Variants in XRRA1 observed in about 807,000 individuals in gnomAD.
XRRA1 encodes X-ray radiation resistance-associated protein 1.
Under a neutral mutation model 80.2 loss-of-function variants are expected in XRRA1, and 69 were observed. That is an observed-to-expected ratio of 0.86 (90% CI 0.71 to 1.05). XRRA1 has a LOEUF of 1.05. Ranked by LOEUF, XRRA1 falls within the 50% of genes least tolerant of loss-of-function variation. The pLI, the probability that XRRA1 is intolerant of heterozygous loss-of-function variation, is 0.00. For synonymous variants in XRRA1, 348 were observed against 389.9 expected (o/e 0.89, Z 1.27); for missense variants, 967 against 976.4 (o/e 0.99, Z 0.13).
chr11:74,913,769 G>A (rs1813543310), intron 8 of XRRA1: 2 of 152,132 alleles, frequency 1.3e-5, no homozygotes, highest in Non-Finnish European at 1.5e-5. Context: ...ATACCTGTGT[G>A]TTACAGGATG....
At position 74,845,259 on chromosome 11, in the gene XRRA1, G is replaced by A; in HGVS notation, c.1741C>T (p.Pro581Ser). Residue 581 changes from proline (P) to serine (S), a missense_variant, in exon 16 of 19, where the codon CCT becomes TCT. Coordinates refer to ENST00000684022, the MANE Select transcript of XRRA1 (RefSeq NM_001378157.1). Reference protein sequence around the residue: ...SIFLTQVSELPSSVIHKDDLE... With the variant: ...SIFLTQVSELSSSVIHKDDLE... ...TCATCCTTATGGATGACGGAGGAAGGCAGTTCACTCACCTGTGCCCAGGAA... is the reference window on the plus strand; with the variant it reads ...TCATCCTTATGGATGACGGAGGAAGACAGTTCACTCACCTGTGCCCAGGAA... The A allele has an allele frequency of 6.2e-7, 1 of 1,612,894 alleles. No homozygotes were observed. The highest frequency in any genetic ancestry group is 8.5e-7 in the Non-Finnish European group (1 of 1,179,280).
At chr11:74,906,215 T>C in intron 10 of XRRA1, 24 bp downstream of exon 10, 1 of 1,601,728 alleles carries the variant, frequency 6.2e-7, no homozygotes, top group East Asian at 2.2e-5. Flanking sequence ...GGGTAGAATT[T>C]CTGGGACAAG....
At chr11:74,925,887 A>T (rs950998026) in intron 7 of XRRA1, among the ~76,000 whole-genome samples, 3 of 152,192 alleles carry the variant, frequency 2.0e-5, no homozygotes, top group African/African-American at 7.2e-5. Flanking sequence ...TGAAAAAGTA[A>T]AAGAACAAAT....
At chr11:74,846,039 A>G (rs2038038671) in intron 15 of XRRA1, 1 of 152,172 alleles carries the variant, frequency 6.6e-6, no homozygotes, top group Non-Finnish European at 1.5e-5. Flanking sequence ...GTTTGGCATC[A>G]ATATGGTGAC....
chr11:74,916,888 C>T (rs1354292744), intron 8 of XRRA1, among the ~76,000 whole-genome samples: 1 of 152,142 alleles, frequency 6.6e-6, no homozygotes, highest in Non-Finnish European at 1.5e-5. Flanking sequence ...AAGTTCTTCT[C>T]AGGTCTTTTC....
Position 74,921,314 on chromosome 11 carries a change from C to A in XRRA1, c.556G>T (p.Glu186Ter), listed in dbSNP as rs770058366. Residue 186 changes from glutamate to a stop codon, truncating the protein, a stop_gained, in exon 8 of 19, where the codon GAG becomes TAG. Transcript: ENST00000684022. LOFTEE classifies it high-confidence loss of function. ...AGAATCCCCAAATCACAGATGGCCT[C>A]CACAGTCAGGCTGTTGAAGGAAAGG... ...LDLSFNSLTV[E>*]AICDLGILPH... 1 of 1,613,956 alleles carries A rather than the reference C, an allele frequency of 6.2e-7. No homozygotes were observed. Among genetic ancestry groups the A allele is most frequent in the Non-Finnish European group, 8.5e-7 (1 of 1,179,872 alleles).
At chr11:74,901,309 A>G (rs2053537956) in intron 10 of XRRA1, among the ~76,000 whole-genome samples, 1 of 152,230 alleles carries the variant, frequency 6.6e-6, no homozygotes, top group Admixed American at 6.5e-5. Flanking sequence ...AAAAATGGAA[A>G]GATATCCCAT....
intron 10 of XRRA1, among the ~76,000 whole-genome samples, chr11:74,883,853 TAA>T (rs1458875443): frequency 1.3e-5 from 2 of 152,182 alleles, no homozygotes; most frequent in African/African-American, 2.4e-5. Context: ...ATAGTGAGGG[TAA>T]AAGAGTCCTC....
At chr11:74,870,341 C>T (rs1480155213) in intron 10 of XRRA1, among the ~76,000 whole-genome samples, 2 of 152,152 alleles carry the variant, frequency 1.3e-5, no homozygotes, top group Admixed American at 6.5e-5. Flanking sequence ...AGGTGTTACC[C>T]GAAGGCTTCT....
At chr11:74,847,318 G>A (rs1167907988) in intron 15 of XRRA1, among the ~76,000 whole-genome samples, 1 of 152,162 alleles carries the variant, frequency 6.6e-6, no homozygotes, top group Non-Finnish European at 1.5e-5. Context: ...GACTGGAGGG[G>A]CAAGACTAGA....
intron 12 of XRRA1, among the ~76,000 whole-genome samples, chr11:74,852,859 C>T (rs753542863): frequency 6.6e-6 from 1 of 152,060 alleles, no homozygotes; most frequent in African/African-American, 2.4e-5. Flanking sequence ...AGGCAGTGGC[C>T]GATCAGACCC....
intron 17 of XRRA1, 92 bp downstream of exon 17, chr11:74,844,076 T>C (rs1029920258): frequency 6.1e-6 from 9 of 1,465,472 alleles, no homozygotes; most frequent in Non-Finnish European, 8.6e-6. Flanking sequence ...TGGGAAAGCA[T>C]GGCCCTCAGA....
intron 10 of XRRA1, among the ~76,000 whole-genome samples, chr11:74,903,960 G>GA (rs964979358): frequency 6.6e-6 from 1 of 151,402 alleles, no homozygotes; most frequent in African/African-American, 2.4e-5. Flanking sequence ...AAGGATGAAA[G>GA]AAAAAAAATA....
At chr11:74,918,784 G>A (rs1939686927) in intron 8 of XRRA1, 1 of 152,262 alleles carries the variant, frequency 6.6e-6, no homozygotes, top group African/African-American at 2.4e-5. Flanking sequence ...TGGAAGGCCA[G>A]AGCCAGGGAG....
In XRRA1 at chr11:74,848,399, T is replaced by A; in HGVS notation, c.1444A>T (p.Thr482Ser). The A allele has an allele frequency of 1.2e-6, 2 of 1,613,914 alleles. No homozygotes were observed. The highest frequency in any genetic ancestry group is 1.7e-6 in the Non-Finnish European group (2 of 1,179,854). ...ATATCCTTTGAGGGAGACTTGGTTG[T>A]CGTCATGCGCGGGTGATGGAGCACC... ...PLVLHHPRMTTTKSPSKDMLE... is the reference protein window; with the variant it reads ...PLVLHHPRMTSTKSPSKDMLE... The change falls in exon 15 of 19, where the codon ACA (threonine) becomes TCA (serine). Residue 482 changes from threonine (T) to serine (S), a missense_variant. Coordinates refer to ENST00000684022, the MANE Select transcript of XRRA1 (RefSeq NM_001378157.1).
chr11:74,903,291 TC>T (rs1465435642), intron 10 of XRRA1, among the ~76,000 whole-genome samples: 4 of 152,238 alleles, frequency 2.6e-5, no homozygotes, highest in South Asian at 2.1e-4. Context: ...ACAAGGTTGT[TC>T]ATTGTAGCAC....
intron 8 of XRRA1, chr11:74,919,621 A>G: frequency 3.6e-6 from 2 of 552,162 alleles, no homozygotes; most frequent in South Asian, 1.5e-5. Context: ...AAGAAGAAAA[A>G]GGGCCGTTCT....
At chr11:74,882,264 C>T (rs2047834322) in intron 10 of XRRA1, among the ~76,000 whole-genome samples, 1 of 151,784 alleles carries the variant, frequency 6.6e-6, no homozygotes, top group South Asian at 2.1e-4. Context: ...TTCATTTCAT[C>T]TTCCATCGCT....
chr11:74,880,442 T>C (rs1290717704), intron 10 of XRRA1, among the ~76,000 whole-genome samples: 4 of 150,470 alleles, frequency 2.7e-5, no homozygotes, highest in African/African-American at 9.8e-5. Flanking sequence ...TTTGAAGGGT[T>C]TTTTGTGTCT....
Sources: allele counts gnomAD v4.1 joint callset (sites outside exome capture counted in the v4.1 genomes callset), GRCh38; gene constraint gnomAD v4.1.1; transcripts MANE v1.5; gene names NCBI Gene and HGNC (gene_info 2026-07-23, HGNC 2026-07-21).